Variants in ARRDC5 observed in about 807,000 individuals in gnomAD.
The protein encoded by ARRDC5 is arrestin domain-containing protein 5.
ARRDC5 carries 12 observed loss-of-function variants against 13.3 expected under a neutral mutation model. The observed-to-expected ratio is 0.90, with a 90% confidence interval of 0.58 to 1.46. The LOEUF (loss-of-function observed/expected upper bound fraction) is 1.46, where lower values mean the gene tolerates loss of function less well. Ranked by LOEUF, ARRDC5 falls within the 40% of genes most tolerant of loss-of-function variation. The probability of loss-of-function intolerance (pLI) is 0.00; values close to 1 mark genes in which losing one functional copy is unlikely to be tolerated. For synonymous variants in ARRDC5, 181 were observed against 173.4 expected, an observed-to-expected ratio of 1.04 and a Z score of -0.34; for missense variants, 406 against 418.7, an observed-to-expected ratio of 0.97 and a Z score of 0.26.
At position 4,890,858 on chromosome 19, in the gene ARRDC5, G is replaced by C. The variant is rs1222476287; in HGVS notation, c.*188C>G. ...CTGGGAGACCTTCCCGGTTTCCTTTGTCCATTCCAGGCATTCAGTGATAGT... is the reference window on the plus strand; with the variant it reads ...CTGGGAGACCTTCCCGGTTTCCTTTCTCCATTCCAGGCATTCAGTGATAGT... On this transcript the variant is annotated 3_prime_UTR_variant, in exon 3 of 3. Transcript: ENST00000650722. 1 of 585,346 alleles carries C rather than the reference G, an allele frequency of 1.7e-6. No homozygotes were observed. Among genetic ancestry groups the C allele is most frequent in the East Asian group, 2.9e-5 (1 of 34,414 alleles). 36.3% of individuals were successfully genotyped at this position (585,346 alleles called of 1,614,324 possible).
intron 1 of ARRDC5, among the ~76,000 whole-genome samples, chr19:4,899,648 G>A (rs561697667): frequency 5.3e-5 from 8 of 150,634 alleles, no homozygotes; most frequent in African/African-American, 1.7e-4. Context: ...AAGAACTAGC[G>A]GCCGGGCGCG....
rs776175566 is a variant in ARRDC5, at chr19:4,902,648, A to T, written c.178T>A (p.Cys60Ser). Residue 60 changes from cysteine (C) to serine (S), a missense_variant, in exon 1 of 3, where the codon TGT (cysteine) becomes AGT (serine). Transcript: ENST00000650722. ...VEWSEEAGAS[C>S]DYSRNVICNN... ...CAAATAACATTTCTGCTATAATCAC[A>T]GGATGCCCCGGCTTCTTCACTCCAT... 1.4e-5 allele frequency: 22 copies of T among 1,613,882 alleles called. No homozygotes were observed. The highest frequency in any genetic ancestry group is 1.0e-5 in the Non-Finnish European group (12 of 1,179,898).
rs939655889 is a variant in ARRDC5, at chr19:4,896,789, C to T, written c.341G>A (p.Gly114Asp). ...AGCTTGTACGAAATAGAAGACATGG[C>T]CAAATTTGCTGGTGAAGGTAGAAGG... ...RLPSTFTSKFGHVFYFVQASC... is the reference protein window; with the variant it reads ...RLPSTFTSKFDHVFYFVQASC... Residue 114 changes from glycine (G) to aspartate (D), a missense_variant, in exon 2 of 3, where the codon GGC becomes GAC. Physicochemically the swap from Gly to Asp is moderately conservative, Grantham distance 94 (BLOSUM62 -1). Coordinates refer to ENST00000650722, the MANE Select transcript of ARRDC5 (RefSeq NM_001080523.3). The T allele has an allele frequency of 3.3e-5, 53 of 1,613,584 alleles. No homozygotes were observed. The highest frequency in any genetic ancestry group is 4.0e-5 in the African/African-American group (3 of 74,850).
upstream of ARRDC5, among the ~76,000 whole-genome samples, chr19:4,905,689 T>C (rs2032052345): frequency 6.6e-6 from 1 of 152,086 alleles, no homozygotes; most frequent in Admixed American, 6.6e-5. Context: ...GGCTAATTTT[T>C]GTATTTTTAG....
chr19:4,891,240 C>T lies in ARRDC5; in HGVS notation c.793G>A (p.Val265Met), dbSNP rs565420498. The T allele has an allele frequency of 3.0e-5, 49 of 1,613,812 alleles. No individual in the cohort carries two copies. Among genetic ancestry groups the T allele is most frequent in the African/African-American group, 6.7e-5 (5 of 75,024 alleles). ...STFNLPLLLS[V>M]SSSTQDGEIM... is the part of the protein sequence containing the mutation. ...TCACCGTCCTGCGTGCTGCTGCTCA[C>T]GGACAGCAGCAACGGCAGGTTGAAG... The change falls in exon 3 of 3, where the codon GTG (valine) becomes ATG (methionine). Residue 265 changes from valine (V) to methionine (M), a missense_variant. Transcript: ENST00000650722.
At chr19:4,893,806 G>A (rs180900705) in intron 2 of ARRDC5, among the ~76,000 whole-genome samples, 1 of 150,936 alleles carries the variant, frequency 6.6e-6, no homozygotes, top group East Asian at 2.0e-4. Flanking sequence ...ACTTTGGGAG[G>A]CCGAGGTGGG....
chr19:4,902,086 C>T (rs1285881527), intron 1 of ARRDC5, among the ~76,000 whole-genome samples: 1 of 152,072 alleles, frequency 6.6e-6, no homozygotes, highest in Admixed American at 6.6e-5. Flanking sequence ...GATGGGGTTT[C>T]GCTATATTGG....
At chr19:4,905,111 T>TC (rs1243568683), upstream of ARRDC5, among the ~76,000 whole-genome samples, 545 of 127,200 alleles carry the variant, frequency 4.3e-3, 7 homozygotes, top group Non-Finnish European at 6.5e-3. Context: ...AAACTTTCTT[T>TC]TTTTTTTTTT....
chr19:4,896,811 A>G lies in ARRDC5; in HGVS notation c.319T>C (p.Ser107Pro), dbSNP rs2031752928. Residue 107 changes from serine to proline, a missense_variant, in exon 2 of 3, where the codon TCT becomes CCT. Physicochemically the swap from Ser to Pro is moderately conservative, Grantham distance 74 (BLOSUM62 -1). Coordinates refer to ENST00000650722, the MANE Select transcript of ARRDC5 (RefSeq NM_001080523.3). Reference sequence around the variant, plus strand: ...TGGCCAAATTTGCTGGTGAAGGTAGAAGGAAGCCTGGGAGGTAAGTTGAAA... The same window carrying G: ...TGGCCAAATTTGCTGGTGAAGGTAGGAGGAAGCCTGGGAGGTAAGTTGAAA... Reference protein sequence around the residue: ...FHFNLPPRLPSTFTSKFGHVF... With the variant: ...FHFNLPPRLPPTFTSKFGHVF... The G allele has an allele frequency of 6.2e-7, 1 of 1,613,776 alleles. No individual in the cohort carries two copies. The highest frequency in any genetic ancestry group is 1.1e-5 in the South Asian group (1 of 91,082).
At chr19:4,905,201 C>T (rs977061499), upstream of ARRDC5, among the ~76,000 whole-genome samples, 7 of 143,404 alleles carry the variant, frequency 4.9e-5, no homozygotes, top group Non-Finnish European at 9.0e-5. Flanking sequence ...ACTGCAAGCT[C>T]TGCCTCCCAG....
At chr19:4,914,232 A>G in the ARRDC5 span, among the ~76,000 whole-genome samples, 12 of 152,136 alleles carry the variant, frequency 7.9e-5, no homozygotes. Context: ...AGCTGGCAGC[A>G]GGGAGGTTTG....
the ARRDC5 span, among the ~76,000 whole-genome samples, chr19:4,914,531 T>C: frequency 6.6e-6 from 1 of 151,982 alleles, no homozygotes; most frequent in South Asian, 2.1e-4. Flanking sequence ...TCACTTGGGC[T>C]GAATAGGGTG....
At position 4,891,157 on chromosome 19, in the gene ARRDC5, G is replaced by A; in HGVS notation, c.876C>T (p.Thr292=). ...TGATGGGAACTTTGGCCTTGAGGCT[G>A]GTCAGGGACCAGGGCAGGTGCACGG... ...VTTVHLPWSL[T]SLKAKVPIII... Residue 292 remains threonine, a synonymous_variant, in exon 3 of 3, where the codon ACC becomes ACT. Transcript: ENST00000650722. The A allele has an allele frequency of 6.2e-7, 1 of 1,614,010 alleles. No homozygotes were observed. Among genetic ancestry groups the A allele is most frequent in the East Asian group, 2.2e-5 (1 of 44,878 alleles).
chr19:4,894,234 G>A (rs1321345819), intron 2 of ARRDC5, among the ~76,000 whole-genome samples: 2 of 148,080 alleles, frequency 1.4e-5, no homozygotes, highest in African/African-American at 2.5e-5. Context: ...AAAATTGGCC[G>A]GGCGCGGTGG....
upstream of ARRDC5, among the ~76,000 whole-genome samples, chr19:4,907,196 G>A (rs562114963): frequency 2.0e-5 from 3 of 152,250 alleles, no homozygotes; most frequent in African/African-American, 4.8e-5. Flanking sequence ...TGCAACCTCC[G>A]TCTCCTGGGT....
At chr19:4,910,938 C>G in the ARRDC5 span, 2 of 1,613,668 alleles carry the variant, frequency 1.2e-6, no homozygotes. Context: ...ACGGTGGACT[C>G]GCTGTCCAGG....
chr19:4,892,032 AT>A (rs1382203884), intron 2 of ARRDC5, among the ~76,000 whole-genome samples: 1 of 150,810 alleles, frequency 6.6e-6, no homozygotes, highest in Non-Finnish European at 1.5e-5. Flanking sequence ...AAGCCTAGGG[AT>A]TTTGCAGTCA....
At chr19:4,913,086 G>A in the ARRDC5 span, among the ~76,000 whole-genome samples, 31 of 152,094 alleles carry the variant, frequency 2.0e-4, 1 homozygote, top group African/African-American at 7.2e-4. Flanking sequence ...ACAGATGTTA[G>A]ACAGACTGAA....
chr19:4,909,453 C>A, the ARRDC5 span: 1 of 655,258 alleles, frequency 1.5e-6, no homozygotes, highest in Non-Finnish European at 2.8e-6. Context: ...GCACGGCCTC[C>A]TGCGGCCCCG....
Sources: gnomAD v4.1 joint callset for allele counts (sites outside exome capture counted in the v4.1 genomes callset) on GRCh38, gnomAD v4.1.1 for gene constraint, MANE v1.5 for transcripts, NCBI Gene and HGNC (gene_info 2026-07-23, HGNC 2026-07-21) for gene names.